The following CTXND1 variants were observed in gnomAD, a reference collection of about 807,000 sequenced individuals.
CTXND1 encodes the protein cortexin domain-containing 1 protein.
chr15:80,241,565 C>A (rs1402764945), intron 1 of CTXND1, among the ~76,000 whole-genome samples: 2 of 152,194 alleles, frequency 1.3e-5, no homozygotes, highest in Non-Finnish European at 1.5e-5. Context: ...GCCATGAGGG[C>A]AGGGGCCCCC....
At chr15:80,205,827 G>A (rs774030172) in intron 1 of CTXND1, among the ~76,000 whole-genome samples, 2 of 152,168 alleles carry the variant, frequency 1.3e-5, no homozygotes, top group African/African-American at 2.4e-5. Flanking sequence ...AGAATAAAAA[G>A]CCTTTTTCCC....
chr15:80,210,729 T>G lies in CTXND1; in HGVS notation c.-217-6989A>C, dbSNP rs74531109. The stretch of plus-strand genomic sequence containing the variant: ...CATGTGTTTCTTAGTCCGCTCAGGC[T>G]GCCATAGCAAAATGCCACAGACTGG... On this transcript the variant is annotated intron_variant, in intron 1 of 2. Transcript: ENST00000560778. Among the ~76,000 whole-genome samples, 429 of 152,354 alleles carry G rather than the reference T, an allele frequency of 2.8e-3. 1 individual carries two copies. The highest frequency in any genetic ancestry group is 4.3e-3 in the Non-Finnish European group (292 of 68,032).
At chr15:80,213,130 A>C (rs892104165) in intron 1 of CTXND1, among the ~76,000 whole-genome samples, 4 of 152,228 alleles carry the variant, frequency 2.6e-5, no homozygotes, top group Non-Finnish European at 4.4e-5. Flanking sequence ...CTTGTCTTCC[A>C]GGTCCACAGA....
At chr15:80,216,132 C>A (rs1893250342) in intron 1 of CTXND1, among the ~76,000 whole-genome samples, 1 of 152,192 alleles carries the variant, frequency 6.6e-6, no homozygotes, top group African/African-American at 2.4e-5. Context: ...GTCTTTATCT[C>A]ATCTTTCAAT....
At chr15:80,224,609 A>G (rs1893353598) in intron 1 of CTXND1, among the ~76,000 whole-genome samples, 1 of 152,202 alleles carries the variant, frequency 6.6e-6, no homozygotes, top group Admixed American at 6.5e-5. Context: ...TGGCATTTTG[A>G]TTGGGATTGT....
chr15:80,252,181 G>T lies in CTXND1; in HGVS notation c.-392C>A, dbSNP rs1033940356. On this transcript the variant is annotated 5_prime_UTR_variant, in exon 1 of 3. Coordinates refer to ENST00000560778, the MANE Select transcript of CTXND1 (RefSeq NM_001352888.2). ...GGAGTCAGAGCCCCCAGCGGCGCGGGCGAGCCCGGGCCAGCAGCCGAGAGG... is the reference window on the plus strand; with the variant it reads ...GGAGTCAGAGCCCCCAGCGGCGCGGTCGAGCCCGGGCCAGCAGCCGAGAGG... The T allele has an allele frequency of 6.6e-6, 1 of 151,700 alleles. No homozygotes were observed. Among genetic ancestry groups the T allele is most frequent in the Non-Finnish European group, 1.5e-5 (1 of 67,838 alleles). The allele number at this position is 151,700 out of a possible 1,614,324, so 9.4% of individuals were successfully genotyped here. A position where few individuals can be genotyped will look rare whatever the true frequency, so the allele number is the denominator to read the frequency against.
At chr15:80,223,734 G>C (rs186288884) in intron 1 of CTXND1, among the ~76,000 whole-genome samples, 130 of 151,772 alleles carry the variant, frequency 8.6e-4, no homozygotes, top group African/African-American at 3.1e-3. Context: ...GTAAATTCCA[G>C]CCATTCTGGG....
Position 80,237,055 on chromosome 15 carries a change from G to A in CTXND1, c.-218+14952C>T, listed in dbSNP as rs115784942. Among the ~76,000 whole-genome samples, 1,120 of 152,134 alleles carry A rather than the reference G, an allele frequency of 7.4e-3. 7 individuals are homozygous for A. Among genetic ancestry groups the A allele is most frequent in the African/African-American group, 0.026 (1,070 of 41,478 alleles). The stretch of plus-strand genomic sequence containing the variant: ...CTTCTGTTTATTAAAAAAACAGTTG[G>A]CCAGGCGCGGTGGCTCATGCCTGTG... On this transcript the variant is annotated intron_variant, in intron 1 of 2. Transcript: ENST00000560778.
rs982724051 is a variant in CTXND1, at chr15:80,199,816, C to T, written c.*1954G>A. The T allele has an allele frequency of 2.0e-5, 3 of 152,268 alleles. No homozygotes were observed. The highest frequency in any genetic ancestry group is 7.2e-5 in the African/African-American group (3 of 41,430). The allele number at this position is 152,268 out of a possible 1,614,324, so 9.4% of individuals were successfully genotyped here. On this transcript the variant is annotated 3_prime_UTR_variant, in exon 3 of 3. Coordinates refer to ENST00000560778, the MANE Select transcript of CTXND1 (RefSeq NM_001352888.2). ...GTGATAGTGCTTTGGAACCCATTTTCCAGGTGGCCTGGGCTGTGGTGGGGA... is the reference window on the plus strand; with the variant it reads ...GTGATAGTGCTTTGGAACCCATTTTTCAGGTGGCCTGGGCTGTGGTGGGGA...
chr15:80,237,883 T>C (rs1383273355), intron 1 of CTXND1, among the ~76,000 whole-genome samples: 2 of 151,520 alleles, frequency 1.3e-5, no homozygotes, highest in African/African-American at 4.9e-5. Context: ...GTGGCATGCA[T>C]CTATAATCCC....
chr15:80,223,969 G>A (rs1419298116), intron 1 of CTXND1, among the ~76,000 whole-genome samples: 2 of 152,172 alleles, frequency 1.3e-5, no homozygotes, highest in Non-Finnish European at 2.9e-5. Flanking sequence ...TGGATAAAAT[G>A]AGGTAGAAAT....
intron 1 of CTXND1, among the ~76,000 whole-genome samples, chr15:80,222,334 C>T (rs1893327298): frequency 6.6e-6 from 1 of 152,122 alleles, no homozygotes; most frequent in South Asian, 2.1e-4. Context: ...CATACCCCCC[C>T]TTTTTGGAGT....
At chr15:80,226,637 C>A (rs1220679390) in intron 1 of CTXND1, among the ~76,000 whole-genome samples, 1 of 152,190 alleles carries the variant, frequency 6.6e-6, no homozygotes, top group African/African-American at 2.4e-5. Flanking sequence ...GATCCAGGGT[C>A]CCCTTGGCCT....
intron 1 of CTXND1, among the ~76,000 whole-genome samples, chr15:80,221,075 A>AT (rs956994289): frequency 4.0e-4 from 60 of 151,580 alleles, no homozygotes; most frequent in Admixed American, 9.2e-4. Context: ...CGCTCGACTA[A>AT]TTTTTTTGTA....
At chr15:80,207,025 C>A (rs1893154390) in intron 1 of CTXND1, among the ~76,000 whole-genome samples, 1 of 152,176 alleles carries the variant, frequency 6.6e-6, no homozygotes, top group Non-Finnish European at 1.5e-5. Flanking sequence ...GTATATTTTT[C>A]TCTGCCTGCC....
intron 1 of CTXND1, among the ~76,000 whole-genome samples, chr15:80,218,614 A>G (rs1027281217): frequency 6.6e-6 from 1 of 151,818 alleles, no homozygotes; most frequent in African/African-American, 2.4e-5. Flanking sequence ...CTTTCTTCTC[A>G]ATATTATATA....
At position 80,197,040 on chromosome 15, in the gene CTXND1, G is replaced by C. The variant is rs1432086574; in HGVS notation, c.*4730C>G. The C allele has an allele frequency of 6.6e-6, 1 of 152,220 alleles. No individual in the cohort carries two copies. Among genetic ancestry groups the C allele is most frequent in the Admixed American group, 6.5e-5 (1 of 15,272 alleles). 9.4% of individuals were successfully genotyped at this position (152,220 alleles called of 1,614,324 possible). A position where few individuals can be genotyped will look rare whatever the true frequency, so the allele number is the denominator to read the frequency against. On this transcript the variant is annotated 3_prime_UTR_variant, in exon 3 of 3. Coordinates refer to ENST00000560778, the MANE Select transcript of CTXND1 (RefSeq NM_001352888.2). ...GATGGTAACAGTTGGTGGCCTGCCT[G>C]TTCCTGGGTAGTTTGTTTTTGTTTT...
At chr15:80,249,893 G>A (rs1461142089) in intron 1 of CTXND1, among the ~76,000 whole-genome samples, 3 of 152,240 alleles carry the variant, frequency 2.0e-5, no homozygotes, top group Non-Finnish European at 2.9e-5. Context: ...TTGCAGACAC[G>A]GACCGGTTCC....
intron 1 of CTXND1, among the ~76,000 whole-genome samples, chr15:80,223,588 T>C (rs1893342109): frequency 6.6e-6 from 1 of 152,122 alleles, no homozygotes; most frequent in Admixed American, 6.5e-5. Context: ...ATCTAGAAGG[T>C]TGCTGGACTG....
Sources: allele counts gnomAD v4.1 joint callset (sites outside exome capture counted in the v4.1 genomes callset), GRCh38; gene constraint gnomAD v4.1.1; transcripts MANE v1.5; gene names NCBI Gene and HGNC (gene_info 2026-07-23, HGNC 2026-07-21).